The following STARD13 variants were observed in gnomAD, a reference collection of about 807,000 sequenced individuals.
STARD13 encodes StAR related lipid transfer domain containing 13, also known as stAR-related lipid transfer protein 13.
STARD13 carries 62 observed loss-of-function variants against 106.4 expected under a neutral mutation model. That is an observed-to-expected ratio of 0.58 (90% CI 0.48 to 0.72). The LOEUF is 0.72. Among genes scored for constraint, STARD13 ranks in the 30% least tolerant of loss-of-function variants. STARD13 has a pLI of 0.00. For synonymous variants in STARD13, 565 were observed against 553.0 expected (o/e 1.02, Z -0.31); for missense variants, 1,387 against 1,424.0 (o/e 0.97, Z 0.42).
rs1873500472 is a variant in STARD13, at chr13:33,104,900, G to A, written c.*693C>T. 1 of 153,442 alleles carries A rather than the reference G, an allele frequency of 6.5e-6. No individual in the cohort carries two copies. Among genetic ancestry groups the A allele is most frequent in the Non-Finnish European group, 1.5e-5 (1 of 68,040 alleles). 9.5% of individuals were successfully genotyped at this position (153,442 alleles called of 1,614,324 possible). ...GTAATGACTTCTCACCCCCCCATTT[G>A]CTTTAAGGAGGAGTAATTATTATTT... is the stretch of plus-strand genomic sequence containing the variant. On this transcript the variant is annotated 3_prime_UTR_variant, in exon 14 of 14. Coordinates refer to ENST00000336934, the MANE Select transcript of STARD13 (RefSeq NM_178006.4).
chr13:33,651,410 G>A, the STARD13 span, among the ~76,000 whole-genome samples: 5 of 152,146 alleles, frequency 3.3e-5, no homozygotes, highest in African/African-American at 4.8e-5. Context: ...AAACTAGCGT[G>A]ATCATCATTC....
Position 33,199,093 on chromosome 13 carries a change from A to T in STARD13, c.170-31471T>A, listed in dbSNP as rs1358318865. ...TGTGTTTTTAAACATACATCCTTTG[A>T]TCTTGAGCATCTGTTTCCTACTTTA... On this transcript the variant is annotated intron_variant, in intron 1 of 13. Transcript: ENST00000336934. 2.0e-5 allele frequency among the ~76,000 whole-genome samples: 3 copies of T among 152,168 alleles called. No homozygotes were observed. In the South Asian group the frequency reaches 6.2e-4, roughly 32 times the overall value.
At chr13:33,672,827 TC>T in the STARD13 span, among the ~76,000 whole-genome samples, 7 of 152,362 alleles carry the variant, frequency 4.6e-5, no homozygotes, top group Non-Finnish European at 8.8e-5. Flanking sequence ...TAACATGCTA[TC>T]CATCTACAGG....
the STARD13 span, among the ~76,000 whole-genome samples, chr13:33,615,315 TA>T: frequency 6.6e-6 from 1 of 152,128 alleles, no homozygotes; most frequent in Admixed American, 6.5e-5. Context: ...CTTTGGCTCC[TA>T]AGTAGCAGAG....
intron 1 of STARD13, among the ~76,000 whole-genome samples, chr13:33,180,164 G>A (rs978027647): frequency 1.3e-5 from 2 of 152,232 alleles, no homozygotes; most frequent in African/African-American, 4.8e-5. Context: ...AAGATGTAAT[G>A]AGAGTCATAA....
intron 4 of STARD13, among the ~76,000 whole-genome samples, chr13:33,133,168 C>T (rs1255805682): frequency 6.6e-6 from 1 of 152,090 alleles, no homozygotes. Context: ...GGTTATGATG[C>T]CAGCACACCA....
At chr13:33,145,401 C>A (rs1264885275) in intron 3 of STARD13, among the ~76,000 whole-genome samples, 1 of 152,202 alleles carries the variant, frequency 6.6e-6, no homozygotes, top group Non-Finnish European at 1.5e-5. Flanking sequence ...CGTACAGTCT[C>A]TTTGGAAAAC....
chr13:33,590,701 G>C, the STARD13 span, among the ~76,000 whole-genome samples: 6 of 123,824 alleles, frequency 4.8e-5, no homozygotes, highest in East Asian at 1.8e-3. Flanking sequence ...GCCTGTCATG[G>C]GGTGGGGGGA....
At chr13:33,664,905 C>A in the STARD13 span, among the ~76,000 whole-genome samples, 1 of 152,234 alleles carries the variant, frequency 6.6e-6, no homozygotes, top group Admixed American at 6.5e-5. Flanking sequence ...GGATTACAGG[C>A]GTGAGCCACT....
chr13:33,369,885 GTTTAAC>G, the STARD13 span, among the ~76,000 whole-genome samples: 4 of 151,988 alleles, frequency 2.6e-5, no homozygotes, highest in African/African-American at 4.8e-5. Context: ...GCTTTTAATT[GTTTAAC>G]TTTAATTTCT....
the STARD13 span, among the ~76,000 whole-genome samples, chr13:33,393,929 C>A: frequency 5.3e-5 from 8 of 152,166 alleles, 1 homozygote; most frequent in Admixed American, 2.6e-4. Flanking sequence ...TCTTTCTTGT[C>A]TAGCATTTTA....
chr13:33,307,110 C>A (rs1012311117), intron 1 of STARD13, among the ~76,000 whole-genome samples: 4 of 152,052 alleles, frequency 2.6e-5, no homozygotes, highest in Non-Finnish European at 4.4e-5. Context: ...AATGAGATAC[C>A]ATCTCATGCC....
chr13:33,177,747 GAAAA>G (rs149069963), intron 1 of STARD13, among the ~76,000 whole-genome samples: 4 of 91,504 alleles, frequency 4.4e-5, no homozygotes, highest in South Asian at 3.2e-4. Flanking sequence ...AGGAAGGAAG[GAAAA>G]AAGGAAGGAA....
At chr13:33,357,945 G>C in the STARD13 span, among the ~76,000 whole-genome samples, 944 of 152,308 alleles carry the variant, frequency 6.2e-3, 7 homozygotes, top group African/African-American at 0.022. Flanking sequence ...GCCAAGGCTG[G>C]AGCCCACTCC....
chr13:33,251,236 A>C (rs1257492436), intron 1 of STARD13, among the ~76,000 whole-genome samples: 3 of 152,188 alleles, frequency 2.0e-5, no homozygotes, highest in Non-Finnish European at 4.4e-5. Flanking sequence ...GGTAGGACCC[A>C]CTGAGGTTGA....
intron 3 of STARD13, among the ~76,000 whole-genome samples, chr13:33,163,486 A>G (rs1882881577): frequency 6.6e-6 from 1 of 150,480 alleles, no homozygotes; most frequent in Admixed American, 6.7e-5. Flanking sequence ...GCTACTCTAG[A>G]GGCTGTGGCA....
At chr13:33,655,570 T>C in the STARD13 span, among the ~76,000 whole-genome samples, 4 of 152,336 alleles carry the variant, frequency 2.6e-5, no homozygotes, top group Middle Eastern at 3.4e-3. Flanking sequence ...TCCCTTTGTA[T>C]ATATTTTTAT....
chr13:33,174,809 G>A (rs182828043), intron 1 of STARD13, among the ~76,000 whole-genome samples: 13 of 152,290 alleles, frequency 8.5e-5, no homozygotes, highest in African/African-American at 3.1e-4. Context: ...GTCTGTTAGT[G>A]TGGTGTAGAG....
the STARD13 span, among the ~76,000 whole-genome samples, chr13:33,468,647 ACT>A: frequency 1.3e-5 from 2 of 151,244 alleles, no homozygotes; most frequent in Non-Finnish European, 2.9e-5. Context: ...AAGCAAGAAG[ACT>A]CTCACCAGAT....
Sources: allele counts gnomAD v4.1 joint callset (sites outside exome capture counted in the v4.1 genomes callset), GRCh38; gene constraint gnomAD v4.1.1; transcripts MANE v1.5; gene names NCBI Gene and HGNC (gene_info 2026-07-23, HGNC 2026-07-21).